Variants in PRKACB observed in about 807,000 individuals in gnomAD.
PRKACB encodes protein kinase cAMP-activated catalytic subunit beta, also known as cAMP-dependent protein kinase catalytic subunit beta.
Under a neutral mutation model 51.4 loss-of-function variants are expected in PRKACB, and 16 were observed. The ratio of observed to expected loss-of-function variants is 0.31; its 90% CI spans 0.21 to 0.47. PRKACB has a LOEUF of 0.47. Among genes scored for constraint, PRKACB ranks in the 20% least tolerant of loss-of-function variants. The pLI is 1.00. For missense variants in PRKACB, 309 were observed against 464.5 expected (o/e 0.67, Z 3.08); for synonymous variants, 147 against 154.4 (o/e 0.95, Z 0.35).
intron 7 of PRKACB, among the ~76,000 whole-genome samples, chr1:84,199,312 C>T (rs567060085): frequency 1.3e-5 from 2 of 151,944 alleles, no homozygotes; most frequent in South Asian, 2.1e-4. Context: ...CCTACCTCCA[C>T]CCTCAAGTAG....
chr1:84,222,520 T>C (rs1673890633), intron 9 of PRKACB, among the ~76,000 whole-genome samples: 1 of 152,212 alleles, frequency 6.6e-6, no homozygotes, highest in Non-Finnish European at 1.5e-5. Flanking sequence ...TAATTGTTTA[T>C]CATTATAGTT....
At position 84,182,296 on chromosome 1, in the gene PRKACB, T is replaced by C; in HGVS notation, c.346T>C (p.Tyr116His). 2 of 1,588,472 alleles carry C rather than the reference T, an allele frequency of 1.3e-6. No homozygotes were observed. The highest frequency in any genetic ancestry group is 2.7e-5 in the African/African-American group (2 of 74,224). The part of the protein sequence containing the change: ...MLVKHKATEQ[Y>H]YAMKILDKQK... The stretch of plus-strand genomic sequence containing the variant: ...GGTAAAACACAAAGCCACTGAACAG[T>C]ATTATGCCATGAAGATCTTAGATAA... Residue 116 changes from tyrosine to histidine, a missense_variant, in exon 3 of 10, where the codon TAT (tyrosine) becomes CAT (histidine). Tyr to His is a moderately conservative substitution (Grantham distance 83). This residue lies in a region of PRKACB where 153 missense variants were observed against 190.2 expected (regional missense o/e 0.80). Transcript: ENST00000370685.
At chr1:84,159,975 T>A (rs1366755890) in intron 1 of PRKACB, among the ~76,000 whole-genome samples, 2 of 152,238 alleles carry the variant, frequency 1.3e-5, no homozygotes, top group African/African-American at 4.8e-5. Flanking sequence ...CTAGATTAAG[T>A]TTGCTGGCAT....
chr1:84,203,525 C>CT (rs1158501547), intron 8 of PRKACB, among the ~76,000 whole-genome samples: 1 of 151,824 alleles, frequency 6.6e-6, no homozygotes, highest in Non-Finnish European at 1.5e-5. Flanking sequence ...TTTAAAAGAC[C>CT]ATTGTCAATT....
chr1:84,220,738 G>A (rs965951414), intron 9 of PRKACB, among the ~76,000 whole-genome samples: 4 of 152,124 alleles, frequency 2.6e-5, no homozygotes, highest in African/African-American at 7.2e-5. Flanking sequence ...GTGATGTATC[G>A]TGTTAATTGA....
At chr1:84,220,325 AT>A (rs368372696) in intron 9 of PRKACB, among the ~76,000 whole-genome samples, 1 of 151,746 alleles carries the variant, frequency 6.6e-6, no homozygotes, top group African/African-American at 2.4e-5. Context: ...ACCTTTACTT[AT>A]TTTTTTATGA....
At chr1:84,227,864 T>C (rs907607158) in intron 9 of PRKACB, among the ~76,000 whole-genome samples, 1 of 152,190 alleles carries the variant, frequency 6.6e-6, no homozygotes, top group Non-Finnish European at 1.5e-5. Flanking sequence ...ATAGTAAATA[T>C]GAATAGTTTT....
chr1:84,098,519 G>A (rs1649097844), intron 1 of PRKACB, among the ~76,000 whole-genome samples: 1 of 152,036 alleles, frequency 6.6e-6, no homozygotes, highest in Admixed American at 6.6e-5. Flanking sequence ...TCAGTTGTGA[G>A]GAAGAATTAT....
chr1:84,145,061 T>G (rs922842688), intron 1 of PRKACB, among the ~76,000 whole-genome samples: 3 of 152,092 alleles, frequency 2.0e-5, no homozygotes, highest in Non-Finnish European at 2.9e-5. Flanking sequence ...TCTATCTAAA[T>G]TCTTACACTT....
intron 8 of PRKACB, among the ~76,000 whole-genome samples, chr1:84,209,000 G>A (rs541321461): frequency 6.6e-5 from 10 of 152,284 alleles, no homozygotes; most frequent in Non-Finnish European, 1.2e-4. Context: ...AGTCCTATAT[G>A]TAGGTAAATC....
intron 1 of PRKACB, among the ~76,000 whole-genome samples, chr1:84,094,419 A>G (rs1648765100): frequency 1.3e-5 from 2 of 151,954 alleles, no homozygotes; most frequent in Admixed American, 6.6e-5. Context: ...TTTTAATGTA[A>G]TAGTGAATTT....
intron 1 of PRKACB, among the ~76,000 whole-genome samples, chr1:84,133,592 G>A (rs759263255): frequency 1.3e-5 from 2 of 152,190 alleles, no homozygotes; most frequent in Non-Finnish European, 2.9e-5. Context: ...GGCGGCTTTG[G>A]TCAGCTTCAC....
intron 1 of PRKACB, among the ~76,000 whole-genome samples, chr1:84,175,260 A>G (rs1026984975): frequency 2.0e-5 from 3 of 151,652 alleles, no homozygotes; most frequent in Non-Finnish European, 4.4e-5. Context: ...CTTGTGTGGT[A>G]TTTTAGAAAG....
At chr1:84,209,377 C>A (rs1671803571) in intron 8 of PRKACB, among the ~76,000 whole-genome samples, 1 of 152,080 alleles carries the variant, frequency 6.6e-6, no homozygotes, top group Non-Finnish European at 1.5e-5. Context: ...TACACTCCAC[C>A]CACCCCCCTC....
chr1:84,149,697 G>A (rs1169006745), intron 1 of PRKACB, among the ~76,000 whole-genome samples: 1 of 151,862 alleles, frequency 6.6e-6, no homozygotes, highest in Non-Finnish European at 1.5e-5. Flanking sequence ...TGGCCATCTA[G>A]GCTGTTTTTA....
intron 1 of PRKACB, among the ~76,000 whole-genome samples, chr1:84,161,540 T>C (rs988503891): frequency 1.3e-5 from 2 of 151,864 alleles, no homozygotes; most frequent in African/African-American, 4.8e-5. Context: ...CTCTTTTCCC[T>C]TTCTACCACC....
At chr1:84,098,409 A>G (rs1649088548) in intron 1 of PRKACB, among the ~76,000 whole-genome samples, 1 of 152,044 alleles carries the variant, frequency 6.6e-6, no homozygotes, top group Admixed American at 6.6e-5. Flanking sequence ...TGCCTACTCC[A>G]AGTTCATGAA....
intron 1 of PRKACB, among the ~76,000 whole-genome samples, chr1:84,083,169 T>C (rs1420741003): frequency 6.6e-6 from 1 of 152,218 alleles, no homozygotes; most frequent in Non-Finnish European, 1.5e-5. Context: ...TTTACACCTT[T>C]CAATTATCAA....
intron 1 of PRKACB, among the ~76,000 whole-genome samples, chr1:84,113,199 C>T (rs1257715152): frequency 6.6e-6 from 1 of 152,072 alleles, no homozygotes; most frequent in Non-Finnish European, 1.5e-5. Flanking sequence ...CACGTAGTAT[C>T]ACATATGACA....
Sources: allele counts gnomAD v4.1 joint callset (sites outside exome capture counted in the v4.1 genomes callset), GRCh38; gene constraint gnomAD v4.1.1; regional missense constraint gnomAD v4.1.1; transcripts MANE v1.5; gene names NCBI Gene and HGNC (gene_info 2026-07-23, HGNC 2026-07-21).